The following TMEM25 variants were observed in gnomAD, a reference collection of about 807,000 sequenced individuals.
TMEM25 encodes 0610039J01Rik.
A neutral mutation model predicts 37.0 loss-of-function variants in TMEM25; 36 were observed. That is an observed-to-expected ratio of 0.97 (90% CI 0.75 to 1.28). The LOEUF (loss-of-function observed/expected upper bound fraction) is 1.28, where lower values mean the gene tolerates loss of function less well. Ranked by LOEUF, TMEM25 falls within the 50% of genes most tolerant of loss-of-function variation. The probability of loss-of-function intolerance (pLI) is 0.00; values close to 1 mark genes in which losing one functional copy is unlikely to be tolerated. For missense variants in TMEM25, 444 were observed against 477.9 expected (o/e 0.93, Z 0.66); for synonymous variants, 197 against 203.7 (o/e 0.97, Z 0.28).
downstream of TMEM25, chr11:118,535,892 G>A (rs1951501097): frequency 8.8e-6 from 9 of 1,026,526 alleles, no homozygotes; most frequent in East Asian, 8.2e-5. Flanking sequence ...ATTTTGTTTC[G>A]TTTGAGATGG....
Position 118,531,849 on chromosome 11 carries a change from C to G in TMEM25, c.48C>G (p.Leu16=). The change falls in exon 2 of 9, where the codon CTC becomes CTG. Residue 16 remains leucine (L), a synonymous_variant. Transcript: ENST00000313236. ...GPAALRHTLL[L]LPALLSSGWG... ...CCGCCCTCCGGCACACACTGCTGCT[C>G]CTGCCAGCCCTTCTGAGCTCAGGTA... The G allele has an allele frequency of 1.3e-6, 2 of 1,551,608 alleles. No individual in the cohort carries two copies. Among genetic ancestry groups the G allele is most frequent in the Non-Finnish European group, 1.7e-6 (2 of 1,147,002 alleles).
chr11:118,533,811 T>TG (rs782291223), intron 5 of TMEM25, 46 bp from the exon 6 acceptor site: 1 of 1,613,410 alleles, frequency 6.2e-7, no homozygotes, highest in Non-Finnish European at 8.5e-7. Flanking sequence ...CAGCCCAGCG[T>TG]GGGAGGGCAC....
rs1951395805 is a variant in TMEM25 at position 118,533,518 on chromosome 11, T to C, written c.772T>C (p.Cys258Arg). ...CGTGGGGTTCAGCACCTTGGTGGCCTGCCTGGTCTGCAGAAAAGAGAAGAA... is the reference window on the plus strand; with the variant it reads ...CGTGGGGTTCAGCACCTTGGTGGCCCGCCTGGTCTGCAGAAAAGAGAAGAA... Reference protein sequence around the residue: ...TLVGFSTLVACLVCRKEKKTK... With the variant: ...TLVGFSTLVARLVCRKEKKTK... Residue 258 changes from cysteine to arginine, a missense_variant, in exon 5 of 9, where the codon TGC (cysteine) becomes CGC (arginine). Transcript: ENST00000313236. 2 of 1,614,040 alleles carry C rather than the reference T, an allele frequency of 1.2e-6. No homozygotes were observed. Among genetic ancestry groups the C allele is most frequent in the African/African-American group, 2.7e-5 (2 of 74,932 alleles).
Position 118,534,905 on chromosome 11 carries a change from G to A in TMEM25, c.*325G>A. 1 of 1,219,828 alleles carries A rather than the reference G, an allele frequency of 8.2e-7. No individual in the cohort carries two copies. The highest frequency in any genetic ancestry group is 1.9e-5 in the South Asian group (1 of 52,354). The allele number at this position is 1,219,828 out of a possible 1,614,324, so 75.6% of individuals were successfully genotyped here. A position where few individuals can be genotyped will look rare whatever the true frequency, so the allele number is the denominator to read the frequency against. ...TGTTCAGATGTCATCCAGCATCCAA[G>A]TGTGGCATGGCCTGCTGTATACCCC... is the stretch of plus-strand genomic sequence containing the variant. On this transcript the variant is annotated 3_prime_UTR_variant, in exon 9 of 9. Coordinates refer to ENST00000313236, the MANE Select transcript of TMEM25 (RefSeq NM_032780.4). This position sits in a 1 kb window ranked among gnomAD's most constrained non-coding sequence, Gnocchi z 4.6.
chr11:118,534,004 A>T lies in TMEM25; in HGVS notation c.837-25A>T. ...AGTGCCTGTGCCGGGACTCATATCC[A>T]TCCCGAACTTTGTCCTCCCTGTAGT... On this transcript the variant is annotated intron_variant, in intron 6 of 8. Transcript: ENST00000313236. The surrounding 1 kb of genome is among the most constrained non-coding windows in gnomAD (Gnocchi z 4.6). The T allele has an allele frequency of 6.2e-7, 1 of 1,613,836 alleles. No homozygotes were observed. The highest frequency in any genetic ancestry group is 8.5e-7 in the Non-Finnish European group (1 of 1,179,788).
At chr11:118,543,425 G>C (rs1183949308) in intron 8 of TMEM25, among the ~76,000 whole-genome samples, 1 of 152,008 alleles carries the variant, frequency 6.6e-6, no homozygotes, top group Non-Finnish European at 1.5e-5. Flanking sequence ...ATGTTCCTCA[G>C]TACCCTCCGT....
In TMEM25 at chr11:118,534,560, A is replaced by G; in HGVS notation, c.1081A>G (p.Ser361Gly). 1 of 1,614,172 alleles carries G rather than the reference A, an allele frequency of 6.2e-7. No homozygotes were observed. The highest frequency in any genetic ancestry group is 8.5e-7 in the Non-Finnish European group (1 of 1,180,018). The change falls in exon 9 of 9, where the codon AGT becomes GGT. Residue 361 changes from serine to glycine, a missense_variant. Coordinates refer to ENST00000313236, the MANE Select transcript of TMEM25 (RefSeq NM_032780.4). This position sits in a 1 kb window ranked among gnomAD's most constrained non-coding sequence, Gnocchi z 4.6. ...GYIYRVSSVS[S>G]DEIWL is the part of the protein sequence containing the mutation. ...TATCTATCGAGTGTCCAGCGTGAGC[A>G]GTGATGAGATCTGGCTCTGAGCCGA...
At position 118,531,806 on chromosome 11, in the gene TMEM25, C is replaced by G. The variant is rs1281371427; in HGVS notation, c.5C>G (p.Ala2Gly). 6.4e-7 allele frequency: 1 copy of G among 1,550,572 alleles called. No individual in the cohort carries two copies. The highest frequency in any genetic ancestry group is 8.7e-7 in the Non-Finnish European group (1 of 1,146,898). Residue 2 changes from alanine (A) to glycine (G), a missense_variant, in exon 2 of 9, where the codon GCG becomes GGG. Physicochemically the swap from Ala to Gly is moderately conservative, Grantham distance 60 (BLOSUM62 0). Transcript: ENST00000313236. M[A>G]LPPGPAALRH... ...AGGGCCTAGGCCCGGGCCACCATGG[C>G]GCTGCCTCCAGGCCCAGCCGCCCTC...
chr11:118,545,000 AG>A, intron 8 of TMEM25: 1 of 1,611,782 alleles, frequency 6.2e-7, no homozygotes, highest in Non-Finnish European at 8.5e-7. Flanking sequence ...CTTCAGCGAG[AG>A]CTTTAAAATG....
chr11:118,546,469 CAT>C (rs1951688902), exon 9 of TMEM25: 1 of 326,086 alleles, frequency 3.1e-6, no homozygotes, highest in Non-Finnish European at 5.8e-6. Context: ...CCAGCCTGGG[CAT>C]AGAGTAATAC....
chr11:118,531,997 C>T (rs1412481795), intron 2 of TMEM25, 126 bp downstream of exon 2: 2 of 1,373,624 alleles, frequency 1.5e-6, no homozygotes, highest in Non-Finnish European at 2.0e-6. Context: ...CCCCTTCACC[C>T]ACCTACCCTA....
Position 118,535,322 on chromosome 11 carries a change from C to G in TMEM25, c.*742C>G. ...AGGGAGGAAGAGGCAGGCGATGAGT[C>G]TAGTAGCACCCAGGACGGCTTGTAG... On this transcript the variant is annotated 3_prime_UTR_variant, in exon 9 of 9. Coordinates refer to ENST00000313236, the MANE Select transcript of TMEM25 (RefSeq NM_032780.4). 7.3e-7 allele frequency: 1 copy of G among 1,367,234 alleles called. No homozygotes were observed. The highest frequency in any genetic ancestry group is 9.4e-7 in the Non-Finnish European group (1 of 1,061,706). The allele number at this position is 1,367,234 out of a possible 1,614,324, so 84.7% of individuals were successfully genotyped here. A position where few individuals can be genotyped will look rare whatever the true frequency, so the allele number is the denominator to read the frequency against.
At chr11:118,545,797 G>A in intron 8 of TMEM25, 2 of 1,614,104 alleles carry the variant, frequency 1.2e-6, no homozygotes, top group South Asian at 2.2e-5. Context: ...ACTCACCACA[G>A]ATCATGTCAA....
chr11:118,537,362 CAG>C (rs1951524855), downstream of TMEM25, among the ~76,000 whole-genome samples: 1 of 151,870 alleles, frequency 6.6e-6, no homozygotes, highest in Admixed American at 6.6e-5. Context: ...TTCGTAGAGA[CAG>C]GGTCTCACTC....
intron 8 of TMEM25, among the ~76,000 whole-genome samples, chr11:118,543,593 T>A (rs1287855722): frequency 1.3e-5 from 2 of 151,752 alleles, no homozygotes; most frequent in Non-Finnish European, 2.9e-5. Context: ...GTTCAAGTGA[T>A]TCTCCTGTCA....
rs1555059524 is a variant in TMEM25 at position 118,532,358 on chromosome 11, C to A, written c.279C>A (p.Thr93=). The part of the protein sequence containing the change: ...GGEAFSGGTS[T]FTVTAHRAQH... ...AGGCCTTCTCTGGAGGCACCAGCAC[C>A]TTCACTGTCACTGCCCATCGGGCCC... Residue 93 remains threonine (T), a synonymous_variant, in exon 3 of 9, where the codon ACC becomes ACA. Coordinates refer to ENST00000313236, the MANE Select transcript of TMEM25 (RefSeq NM_032780.4). 6.2e-7 allele frequency: 1 copy of A among 1,614,090 alleles called. No homozygotes were observed. Among genetic ancestry groups the A allele is most frequent in the East Asian group, 2.2e-5 (1 of 44,894 alleles).
intron 8 of TMEM25, chr11:118,545,323 T>G: frequency 1.0e-6 from 1 of 987,222 alleles, no homozygotes; most frequent in Non-Finnish European, 1.6e-6. Flanking sequence ...TACATCGCTA[T>G]AGGATGCAAT....
In TMEM25 at chr11:118,535,109, C is replaced by T; in HGVS notation, c.*529C>T. 2 of 1,018,136 alleles carry T rather than the reference C, an allele frequency of 2.0e-6. No homozygotes were observed. Among genetic ancestry groups the T allele is most frequent in the Non-Finnish European group, 2.3e-6 (2 of 851,186 alleles). The allele number at this position is 1,018,136 out of a possible 1,614,324, so 63.1% of individuals were successfully genotyped here. A position where few individuals can be genotyped will look rare whatever the true frequency, so the allele number is the denominator to read the frequency against. ...ATTGCCCTTTGCACAGAAACCAACC[C>T]CTGACCCAGCGGTACCGGCCAAGCA... On this transcript the variant is annotated 3_prime_UTR_variant, in exon 9 of 9. Transcript: ENST00000313236.
intron 8 of TMEM25, among the ~76,000 whole-genome samples, chr11:118,543,931 T>C (rs1206222465): frequency 1.3e-5 from 2 of 151,990 alleles, no homozygotes; most frequent in Non-Finnish European, 2.9e-5. Context: ...CTCAGTCTCC[T>C]GACTAGCTGG....
Sources: gnomAD v4.1 joint callset for allele counts (sites outside exome capture counted in the v4.1 genomes callset) on GRCh38, gnomAD v4.1.1 for gene constraint, Gnocchi (gnomAD v3.1) non-coding constraint, MANE v1.5 for transcripts, NCBI Gene and HGNC (gene_info 2026-07-23, HGNC 2026-07-21) for gene names.